Variants in HSPG2 observed in about 807,000 individuals in gnomAD.
HSPG2 encodes basement membrane-specific heparan sulfate proteoglycan core protein.
A neutral mutation model predicts 526.6 loss-of-function variants in HSPG2; 278 were observed. The ratio of observed to expected loss-of-function variants is 0.53; its 90% CI spans 0.48 to 0.58. HSPG2 has a LOEUF of 0.58. Among genes scored for constraint, HSPG2 ranks in the 20% least tolerant of loss-of-function variants. The pLI is 0.00. For missense variants in HSPG2, 5,354 were observed against 6,099.5 expected (o/e 0.88, Z 4.07); for synonymous variants, 2,465 against 2,555.4 (o/e 0.96, Z 1.07).
chr1:21,862,070 G>A lies in HSPG2; in HGVS notation c.4786C>T (p.Pro1596Ser), dbSNP rs1323662872. The A allele has an allele frequency of 5.6e-6, 9 of 1,613,880 alleles. No individual in the cohort carries two copies. Among genetic ancestry groups the A allele is most frequent in the Non-Finnish European group, 5.9e-6 (7 of 1,180,038 alleles). The change falls in exon 38 of 97, where the codon CCT (proline) becomes TCT (serine). Residue 1596 changes from proline to serine, a missense_variant. By Grantham distance (74) the Pro-to-Ser change is moderately conservative (BLOSUM62 -1). Transcript: ENST00000374695. ...GCTGTGGCATCTCCGTAGTAGCCAGGGGCACAAAGCTCGCAGAACTCCCCT... is the reference window on the plus strand; with the variant it reads ...GCTGTGGCATCTCCGTAGTAGCCAGAGGCACAAAGCTCGCAGAACTCCCCT... ...AAGEFCELCA[P>S]GYYGDATAGT... is the part of the protein sequence containing the mutation.
In HSPG2 at chr1:21,854,625, G is replaced by C. The variant is rs1253798352; in HGVS notation, c.6274C>G (p.Pro2092Ala). Residue 2092 changes from proline (P) to alanine (A), a missense_variant, in exon 49 of 97, where the codon CCT becomes GCT. Transcript: ENST00000374695. Reference protein sequence around the residue: ...VTWYRRGGSLPPHTQVHGSRL... With the variant: ...VTWYRRGGSLAPHTQVHGSRL... ...GGCCCACATACCTGGGTGTGGGGAGGCAGGCTACCCCCTCGCCTGTACCAG... is the reference window on the plus strand; with the variant it reads ...GGCCCACATACCTGGGTGTGGGGAGCCAGGCTACCCCCTCGCCTGTACCAG... The C allele has an allele frequency of 6.4e-7, 1 of 1,568,744 alleles. No individual in the cohort carries two copies. Among genetic ancestry groups the C allele is most frequent in the South Asian group, 1.2e-5 (1 of 85,900 alleles).
rs886873101 is a variant in HSPG2 at position 21,865,315 on chromosome 1, C to T, written c.4365G>A (p.Glu1455=). The T allele has an allele frequency of 6.2e-7, 1 of 1,614,118 alleles. No homozygotes were observed. The highest frequency in any genetic ancestry group is 8.5e-7 in the Non-Finnish European group (1 of 1,179,998). ...VASQPALQGP[E]RRSYEIMFRE... is the part of the protein sequence containing the mutation. ...GGAACATGATCTCGTAGCTCCTCCT[C>T]TCAGGGCCCTGCAGCGCTGGCTGGG... Residue 1455 remains glutamate, a synonymous_variant, in exon 35 of 97, where the codon GAG becomes GAA. Coordinates refer to ENST00000374695, the MANE Select transcript of HSPG2 (RefSeq NM_005529.7). This position sits in a 1 kb window ranked among gnomAD's most constrained non-coding sequence, Gnocchi z 5.4.
chr1:21,919,893 T>C (rs1180195230), intron 1 of HSPG2, among the ~76,000 whole-genome samples: 1 of 152,184 alleles, frequency 6.6e-6, no homozygotes, highest in Admixed American at 6.5e-5. Flanking sequence ...TAAGAAATTC[T>C]CCTAAGGGAC....
At position 21,832,567 on chromosome 1, in the gene HSPG2, C is replaced by T; in HGVS notation, c.11135G>A (p.Ser3712Asn). Residue 3712 changes from serine to asparagine, a missense_variant, in exon 81 of 97, where the codon AGC (serine) becomes AAC (asparagine). Transcript: ENST00000374695. ...CTGCCGGTTGGCCAGGTTGGTGGGG[C>T]TCCCTGGGACTCGCTTCTGCCCATT... ...LYNGQKRVPG[S>N]PTNLANRQPD... The T allele has an allele frequency of 6.2e-7, 1 of 1,614,182 alleles. No homozygotes were observed. Among genetic ancestry groups the T allele is most frequent in the African/African-American group, 1.3e-5 (1 of 75,066 alleles).
At chr1:21,924,441 T>C (rs1431604670) in intron 1 of HSPG2, among the ~76,000 whole-genome samples, 2 of 152,184 alleles carry the variant, frequency 1.3e-5, no homozygotes, top group African/African-American at 4.8e-5. Context: ...GGTGGGCTCC[T>C]TGAGGTGCCT....
rs769529112 is a variant in HSPG2 at position 21,848,384 on chromosome 1, C to T, written c.7737+259G>A. ...CTGAGAGCAGGCAACTGTCTCATTCCATCTGGAATCTTCAGTGTCAGGCAC... is the reference window on the plus strand; with the variant it reads ...CTGAGAGCAGGCAACTGTCTCATTCTATCTGGAATCTTCAGTGTCAGGCAC... On this transcript the variant is annotated intron_variant, in intron 59 of 96. Transcript: ENST00000374695. The surrounding 1 kb of genome is among the most constrained non-coding windows in gnomAD (Gnocchi z 4.9). Among the ~76,000 whole-genome samples the T allele has an allele frequency of 6.6e-6, 1 of 152,202 alleles. No individual in the cohort carries two copies. The highest frequency in any genetic ancestry group is 1.5e-5 in the Non-Finnish European group (1 of 68,018).
intron 1 of HSPG2, among the ~76,000 whole-genome samples, chr1:21,919,056 T>C (rs1422168974): frequency 1.3e-5 from 2 of 152,174 alleles, no homozygotes; most frequent in Admixed American, 6.5e-5. Context: ...GCAGGCAGCA[T>C]GGAATGACTT....
rs775537929 is a variant in HSPG2, at chr1:21,884,584, G to A, written c.1598C>T (p.Thr533Ile). The change falls in exon 13 of 97, where the codon ACC (threonine) becomes ATC (isoleucine). Residue 533 changes from threonine (T) to isoleucine (I), a missense_variant. Thr to Ile is a moderately conservative substitution (Grantham distance 89, BLOSUM62 -1). Transcript: ENST00000374695. Reference protein sequence around the residue: ...CFGITSVCQSTRRFRDQIRLR... With the variant: ...CFGITSVCQSIRRFRDQIRLR... Reference sequence around the variant, plus strand: ...CCTGATCTGGTCCCGGAAGCGGCGGGTGCTCTGGCACACGCTGGTGATGCC... The same window carrying A: ...CCTGATCTGGTCCCGGAAGCGGCGGATGCTCTGGCACACGCTGGTGATGCC... 7 of 1,610,774 alleles carry A rather than the reference G, an allele frequency of 4.3e-6. No individual in the cohort carries two copies. In the Admixed American group the frequency reaches 1.0e-4, roughly 23 times the overall value.
At chr1:21,922,875 T>C (rs1338235016) in intron 1 of HSPG2, among the ~76,000 whole-genome samples, 1 of 151,888 alleles carries the variant, frequency 6.6e-6, no homozygotes, top group African/African-American at 2.4e-5. Context: ...ACCAGGGAGG[T>C]GGGAAGCCAG....
Position 21,890,728 on chromosome 1 carries a change from C to T in HSPG2, c.245-34G>A, listed in dbSNP as rs771549454. The T allele has an allele frequency of 3.7e-5, 56 of 1,525,846 alleles. No homozygotes were observed. Among genetic ancestry groups the T allele is most frequent in the Non-Finnish European group, 5.0e-5 (55 of 1,103,828 alleles). The allele number at this position is 1,525,846 out of a possible 1,614,324, so 94.5% of individuals were successfully genotyped here. On this transcript the variant is annotated intron_variant, in intron 3 of 96. Transcript: ENST00000374695. This position sits in a 1 kb window ranked among gnomAD's most constrained non-coding sequence, Gnocchi z 4.1. ...TCGAAGGAGGATCATTTTGAGAGCC[C>T]CAGCCTGGCATCTAGTGGCCTTAGG...
intron 33 of HSPG2, among the ~76,000 whole-genome samples, chr1:21,866,424 C>T (rs546198263): frequency 6.6e-6 from 1 of 152,314 alleles, no homozygotes; most frequent in South Asian, 2.1e-4. Flanking sequence ...CTGCCCTTTG[C>T]CACCCCATCA....
intron 1 of HSPG2, among the ~76,000 whole-genome samples, chr1:21,926,196 TGTGA>T (rs749930600): frequency 1.2e-4 from 18 of 152,242 alleles, no homozygotes; most frequent in Non-Finnish European, 1.5e-4. Context: ...AAAAGATTGC[TGTGA>T]GTATTATATG....
At position 21,839,146 on chromosome 1, in the gene HSPG2, C is replaced by G. The variant is rs576448772; in HGVS notation, c.9890-61G>C. On this transcript the variant is annotated intron_variant, in intron 73 of 96. Transcript: ENST00000374695. The surrounding 1 kb of genome is among the most constrained non-coding windows in gnomAD (Gnocchi z 4.5). ...GGCAAAGGTCAGAATGGCAGCAGGT[C>G]GTTGGATCCAGTGTCCAGGGAAGCT... The G allele has an allele frequency of 6.5e-7, 1 of 1,542,252 alleles. No homozygotes were observed. The highest frequency in any genetic ancestry group is 1.4e-5 in the African/African-American group (1 of 73,208).
In HSPG2 at chr1:21,846,490, G is replaced by A. The variant is rs1638446269; in HGVS notation, c.8274C>T (p.Val2758=). 2 of 1,613,736 alleles carry A rather than the reference G, an allele frequency of 1.2e-6. No homozygotes were observed. The highest frequency in any genetic ancestry group is 1.7e-6 in the Non-Finnish European group (2 of 1,180,048). Residue 2758 remains valine, a synonymous_variant, in exon 63 of 97, where the codon GTC becomes GTT. Coordinates refer to ENST00000374695, the MANE Select transcript of HSPG2 (RefSeq NM_005529.7). The part of the protein sequence containing the change: ...CVVPGQAHAQ[V]TWHKRGGSLP... ...GGCTGCCCCCACGCTTGTGCCAAGT[G>A]ACCTGGGCATGGGCCTGCCCGGGGA...
intron 69 of HSPG2, 78 bp downstream of exon 69, chr1:21,841,911 TCCAGACTTCTGCC>T: frequency 6.5e-7 from 1 of 1,547,668 alleles, no homozygotes; most frequent in Non-Finnish European, 8.9e-7. Flanking sequence ...ATGTGGGGCG[TCCAGACTTCTGCC>T]CCACCCTTGC....
intron 1 of HSPG2, among the ~76,000 whole-genome samples, chr1:21,921,748 G>A (rs114945908): frequency 0.023 from 3,549 of 152,294 alleles, 57 homozygotes; most frequent in African/African-American, 0.047. Context: ...GGCCACTTCT[G>A]TTAAGCCCAG....
At chr1:21,883,224 C>T (rs1198377551) in intron 13 of HSPG2, among the ~76,000 whole-genome samples, 2 of 152,338 alleles carry the variant, frequency 1.3e-5, no homozygotes, top group Admixed American at 6.5e-5. Context: ...TTGACTGTCA[C>T]GTCAAGCCAC....
At chr1:21,930,997 G>A (rs1557841800) in intron 1 of HSPG2, among the ~76,000 whole-genome samples, 1 of 152,204 alleles carries the variant, frequency 6.6e-6, no homozygotes. Context: ...GGAGCTAGGA[G>A]CTGGTCCTAA....
chr1:21,827,817 A>G, intron 91 of HSPG2, 46 bp downstream of exon 91: 1 of 1,545,358 alleles, frequency 6.5e-7, no homozygotes, highest in Non-Finnish European at 8.8e-7. Flanking sequence ...TAACTGGAAG[A>G]GTGAGCTGAG....
Sources: allele counts gnomAD v4.1 joint callset (sites outside exome capture counted in the v4.1 genomes callset), GRCh38; gene constraint gnomAD v4.1.1; non-coding constraint Gnocchi (gnomAD v3.1); transcripts MANE v1.5; gene names NCBI Gene and HGNC (gene_info 2026-07-23, HGNC 2026-07-21).